Variants in IFT80 observed in about 807,000 individuals in gnomAD.
IFT80 encodes the protein intraflagellar transport protein 80 homolog.
A neutral mutation model predicts 107.9 loss-of-function variants in IFT80; 79 were observed. The ratio of observed to expected loss-of-function variants is 0.73; its 90% CI spans 0.61 to 0.88. IFT80 has a LOEUF of 0.88. Among genes scored for constraint, IFT80 ranks in the 40% least tolerant of loss-of-function variants. The pLI, the probability that IFT80 is intolerant of heterozygous loss-of-function variation, is 0.00. For missense variants in IFT80, 797 were observed against 914.2 expected, an observed-to-expected ratio of 0.87 and a Z score of 1.65; for synonymous variants, 299 against 300.9, an observed-to-expected ratio of 0.99 and a Z score of 0.07.
At chr3:160,265,941 G>T (rs6787795) in intron 19 of IFT80, among the ~76,000 whole-genome samples, 4 of 152,024 alleles carry the variant, frequency 2.6e-5, no homozygotes, top group Non-Finnish European at 4.4e-5. Context: ...AGACTTAAAT[G>T]AAACCAAAAG....
At chr3:160,333,419 A>T (rs920446988) in intron 8 of IFT80, among the ~76,000 whole-genome samples, 1 of 152,208 alleles carries the variant, frequency 6.6e-6, no homozygotes, top group African/African-American at 2.4e-5. Context: ...TTAATTTTTT[A>T]AACTTTTTGA....
chr3:160,397,994 T>C (rs559159522), intron 1 of IFT80, among the ~76,000 whole-genome samples: 1 of 152,322 alleles, frequency 6.6e-6, no homozygotes, highest in South Asian at 2.1e-4. Flanking sequence ...ACTCAGGTTT[T>C]GTAGTGTTTT....
rs554944273 is a variant in IFT80, at chr3:160,337,496, G to GT, written c.778-17558dup. On this transcript the variant is annotated intron_variant, in intron 8 of 19. Transcript: ENST00000326448. ...AAAAAATAGCTGGGTGTGGTGGCAG[G>GT]TGCCTGTAATCCCAGCTACTGGGGA... Among the ~76,000 whole-genome samples the GT allele has an allele frequency of 2.3e-3, 354 of 152,032 alleles. 2 individuals carry two copies. The highest frequency in any genetic ancestry group is 9.9e-3 in the Admixed American group (151 of 15,262).
chr3:160,372,246 T>C (rs80130138), intron 5 of IFT80, among the ~76,000 whole-genome samples: 5,133 of 152,286 alleles, frequency 0.034, 246 homozygotes, highest in African/African-American at 0.1. Flanking sequence ...TTCAGGTTTA[T>C]ATTATTTCAT....
At chr3:160,313,077 T>TA (rs1383821680) in intron 9 of IFT80, among the ~76,000 whole-genome samples, 10 of 107,684 alleles carry the variant, frequency 9.3e-5, no homozygotes, top group Middle Eastern at 3.9e-3. Flanking sequence ...TATATATATT[T>TA]TATATAATAT....
chr3:160,271,639 G>A (rs1415689163), intron 18 of IFT80, among the ~76,000 whole-genome samples: 1 of 152,014 alleles, frequency 6.6e-6, no homozygotes, highest in Non-Finnish European at 1.5e-5. Flanking sequence ...AAAGACAGAA[G>A]CATAAACCAG....
chr3:160,369,564 G>T (rs1156391376), intron 5 of IFT80, among the ~76,000 whole-genome samples: 1 of 151,774 alleles, frequency 6.6e-6, no homozygotes, highest in Non-Finnish European at 1.5e-5. Context: ...TCAGCTTCAT[G>T]AAATAATTTG....
intron 7 of IFT80, 102 bp from the exon 8 acceptor site, chr3:160,356,252 A>G: frequency 1.0e-6 from 1 of 1,003,476 alleles, no homozygotes; most frequent in Non-Finnish European, 1.4e-6. Flanking sequence ...TATAACAGAC[A>G]CCACATAAAA....
intron 18 of IFT80, chr3:160,268,826 A>G (rs1713563741): frequency 2.9e-6 from 1 of 346,288 alleles, no homozygotes; most frequent in African/African-American, 2.1e-5. Context: ...CACTCCTTAT[A>G]GTACAATTGT....
intron 8 of IFT80, among the ~76,000 whole-genome samples, chr3:160,328,051 G>T (rs778943217): frequency 3.9e-5 from 6 of 152,132 alleles, no homozygotes; most frequent in Non-Finnish European, 7.3e-5. Flanking sequence ...CTTCTCAAAA[G>T]AAGACATATA....
chr3:160,284,703 A>T (rs1714956398), intron 13 of IFT80, among the ~76,000 whole-genome samples: 1 of 152,208 alleles, frequency 6.6e-6, no homozygotes, highest in South Asian at 2.1e-4. Context: ...ATTCTGATAC[A>T]TACATAAAAT....
chr3:160,307,197 G>C (rs1455583710), intron 10 of IFT80, among the ~76,000 whole-genome samples: 1 of 152,102 alleles, frequency 6.6e-6, no homozygotes, highest in African/African-American at 2.4e-5. Flanking sequence ...GTTCAGACTG[G>C]AGTGTAGTGG....
At chr3:160,349,213 C>T (rs901483374) in intron 8 of IFT80, among the ~76,000 whole-genome samples, 5 of 152,000 alleles carry the variant, frequency 3.3e-5, no homozygotes, top group African/African-American at 9.6e-5. Flanking sequence ...TTTGGGAGGC[C>T]GAAGCGAGTG....
intron 1 of IFT80, among the ~76,000 whole-genome samples, chr3:160,396,833 T>G (rs1237541609): frequency 6.6e-6 from 1 of 152,218 alleles, no homozygotes; most frequent in African/African-American, 2.4e-5. Flanking sequence ...CTCTAATATC[T>G]TCTCAAAATT....
chr3:160,332,880 A>T (rs1719187434), intron 8 of IFT80, among the ~76,000 whole-genome samples: 1 of 152,220 alleles, frequency 6.6e-6, no homozygotes, highest in Non-Finnish European at 1.5e-5. Context: ...CAAAGGCAGG[A>T]TAAATTCTTG....
chr3:160,346,159 T>G (rs983664695), intron 8 of IFT80, among the ~76,000 whole-genome samples: 3 of 152,198 alleles, frequency 2.0e-5, no homozygotes, highest in Non-Finnish European at 4.4e-5. Context: ...AAGTTTCAGT[T>G]AGACAGGACA....
At chr3:160,276,939 A>G (rs1273636398) in intron 18 of IFT80, among the ~76,000 whole-genome samples, 2 of 152,158 alleles carry the variant, frequency 1.3e-5, no homozygotes, top group Non-Finnish European at 2.9e-5. Flanking sequence ...ATTTCTTATG[A>G]GCTCCAGGTC....
chr3:160,276,493 C>A (rs541795120), intron 18 of IFT80, among the ~76,000 whole-genome samples: 1 of 152,256 alleles, frequency 6.6e-6, no homozygotes, highest in East Asian at 1.9e-4. Context: ...TCATGAAAGA[C>A]ACTTCAAACC....
Position 160,319,791 on chromosome 3 carries a change from T to C in IFT80, c.926A>G (p.Gln309Arg). The C allele has an allele frequency of 6.2e-7, 1 of 1,613,046 alleles. No homozygotes were observed. The highest frequency in any genetic ancestry group is 8.5e-7 in the Non-Finnish European group (1 of 1,179,244). Reference sequence around the variant, plus strand: ...GGCTCTTCTTTTCGTTAATGTTACTTGAAAATTTTTCCACTCCCAATGTTG... The same window carrying C: ...GGCTCTTCTTTTCGTTAATGTTACTCGAAAATTTTTCCACTCCCAATGTTG... ...VEQHWEWKNF[Q>R]VTLTKRRAMQ... Residue 309 changes from glutamine (Q) to arginine (R), a missense_variant, in exon 9 of 20, where the codon CAA becomes CGA. Physicochemically the swap from Gln to Arg is conservative, Grantham distance 43. Coordinates refer to ENST00000326448, the MANE Select transcript of IFT80 (RefSeq NM_020800.3).
Sources: allele counts gnomAD v4.1 joint callset (sites outside exome capture counted in the v4.1 genomes callset), GRCh38; gene constraint gnomAD v4.1.1; transcripts MANE v1.5; gene names NCBI Gene and HGNC (gene_info 2026-07-23, HGNC 2026-07-21).